The following PYGL variants were observed in gnomAD, a reference collection of about 807,000 sequenced individuals.
PYGL encodes glycogen phosphorylase L, also known as glycogen phosphorylase, liver form.
In PYGL, 90 loss-of-function variants were observed where a neutral mutation model predicts 100.1. The ratio of observed to expected loss-of-function variants is 0.90; its 90% CI spans 0.76 to 1.07. The LOEUF (loss-of-function observed/expected upper bound fraction) is 1.07. Among genes scored for constraint, PYGL ranks in the 50% least tolerant of loss-of-function variants. The pLI is 0.00. For synonymous variants in PYGL, 373 were observed against 393.0 expected, an observed-to-expected ratio of 0.95 and a Z score of 0.60; for missense variants, 1,016 against 1,057.6, an observed-to-expected ratio of 0.96 and a Z score of 0.55.
Position 50,909,847 on chromosome 14 carries a change from TA to T in PYGL, c.2177+47del, listed in dbSNP as rs1566499850. 2.5e-6 allele frequency: 4 copies of T among 1,600,794 alleles called. No individual in the cohort carries two copies. In the South Asian group the frequency reaches 3.3e-5, roughly 13 times the overall value. On this transcript the variant is annotated intron_variant, in intron 17 of 19. Coordinates refer to ENST00000216392, the MANE Select transcript of PYGL (RefSeq NM_002863.5). Reference sequence around the variant, plus strand: ...AAGCCCTCTGAGGTCACATACCTTCTAGGGGGGAGGGGCAGTCCTGCCTAGC... The same window carrying T: ...AAGCCCTCTGAGGTCACATACCTTCTGGGGGGAGGGGCAGTCCTGCCTAGC...
At position 50,920,996 on chromosome 14, in the gene PYGL, G is replaced by C. The variant is rs998958852; in HGVS notation, c.732C>G (p.Leu244=). The C allele has an allele frequency of 1.1e-5, 17 of 1,614,112 alleles. No homozygotes were observed. The highest frequency in any genetic ancestry group is 1.4e-5 in the Non-Finnish European group (16 of 1,180,040). ...AGTCATTTGGTGCCCGAGCAGACCA[G>C]AGGCGCATGGTGTTGACAGTGTTAT... ...YMNNTVNTMR[L]WSARAPNDFN... Residue 244 remains leucine, a synonymous_variant, in exon 6 of 20, where the codon CTC becomes CTG. Transcript: ENST00000216392.
chr14:50,942,037 T>C (rs2050706264), intron 1 of PYGL, among the ~76,000 whole-genome samples: 1 of 152,110 alleles, frequency 6.6e-6, no homozygotes. Flanking sequence ...AGACTAGGGA[T>C]CCATATTTGG....
At chr14:50,928,051 G>A (rs187000614) in intron 4 of PYGL, among the ~76,000 whole-genome samples, 3 of 152,276 alleles carry the variant, frequency 2.0e-5, no homozygotes, top group Admixed American at 1.3e-4. Context: ...GAGGCTGCAC[G>A]GGGCTGAAGA....
intron 4 of PYGL, among the ~76,000 whole-genome samples, chr14:50,925,013 T>C (rs974330359): frequency 2.6e-5 from 4 of 152,232 alleles, no homozygotes; most frequent in Non-Finnish European, 5.9e-5. Context: ...ACGACAGGGA[T>C]ACATTCTGAA....
intron 12 of PYGL, 34 bp from the exon 13 acceptor site, chr14:50,913,164 G>T: frequency 6.3e-7 from 1 of 1,596,192 alleles, no homozygotes; most frequent in Non-Finnish European, 8.6e-7. Flanking sequence ...ACTTCAATTT[G>T]GGGATGGTAA....
In PYGL at chr14:50,932,941, T is replaced by A. The variant is rs557017991; in HGVS notation, c.425-1165A>T. Among the ~76,000 whole-genome samples the A allele has an allele frequency of 4.6e-5, 7 of 152,346 alleles. No homozygotes were observed. In the South Asian group the frequency reaches 1.4e-3, roughly 32 times the overall value. On this transcript the variant is annotated intron_variant, in intron 3 of 19. Coordinates refer to ENST00000216392, the MANE Select transcript of PYGL (RefSeq NM_002863.5). The stretch of plus-strand genomic sequence containing the variant: ...CCTAGGCTTTCAAGTTTTTCTTACA[T>A]CGCCAATCCCTGTGCTCACATATGG...
At chr14:50,916,037 C>A in intron 9 of PYGL, 66 bp from the exon 10 acceptor site, 1 of 1,599,256 alleles carries the variant, frequency 6.3e-7, no homozygotes. Flanking sequence ...GGGCCAAACC[C>A]TTCTTCAACC....
rs78967521 is a variant in PYGL at position 50,928,776 on chromosome 14, G to A, written c.528+2897C>T. On this transcript the variant is annotated intron_variant, in intron 4 of 19. Transcript: ENST00000216392. Reference sequence around the variant, plus strand: ...ATCAGCCTTCTCCAAATCTGCCTTTGTAAGAACAGTGTTACGTGTTGAGTG... The same window carrying A: ...ATCAGCCTTCTCCAAATCTGCCTTTATAAGAACAGTGTTACGTGTTGAGTG... 7.6e-5 allele frequency among the ~76,000 whole-genome samples: 11 copies of A among 145,572 alleles called. No homozygotes were observed. In the East Asian group the frequency reaches 2.6e-3, roughly 34 times the overall value.
rs1228985409 is a variant in PYGL at position 50,931,735 on chromosome 14, A to G, written c.466T>C (p.Tyr156His). 6.2e-7 allele frequency: 1 copy of G among 1,614,020 alleles called. No homozygotes were observed. The highest frequency in any genetic ancestry group is 8.5e-7 in the Non-Finnish European group (1 of 1,179,938). ...DSMATLGLAA[Y>H]GYGIRYEYGI... ...TATTCATACCGAATGCCGTATCCAT[A>G]GGCTGCAAGTCCCAGGGTTGCCATG... Residue 156 changes from tyrosine (Y) to histidine (H), a missense_variant, in exon 4 of 20, where the codon TAT (tyrosine) becomes CAT (histidine). Physicochemically the swap from Tyr to His is moderately conservative, Grantham distance 83. Coordinates refer to ENST00000216392, the MANE Select transcript of PYGL (RefSeq NM_002863.5).
chr14:50,937,462 T>C (rs962490167), intron 2 of PYGL, among the ~76,000 whole-genome samples: 6 of 152,210 alleles, frequency 3.9e-5, no homozygotes, highest in Non-Finnish European at 7.3e-5. Flanking sequence ...GACACTAATT[T>C]CTGAAATGTA....
intron 1 of PYGL, among the ~76,000 whole-genome samples, chr14:50,939,788 C>CA (rs542390389): frequency 6.6e-6 from 1 of 151,656 alleles, no homozygotes; most frequent in Admixed American, 6.6e-5. Flanking sequence ...TTTGGCCAAT[C>CA]AAAAAAAATT....
intron 7 of PYGL, among the ~76,000 whole-genome samples, chr14:50,919,755 C>T (rs1328006087): frequency 2.0e-5 from 3 of 152,152 alleles, no homozygotes; most frequent in Non-Finnish European, 4.4e-5. Context: ...AATCTCGGCT[C>T]ACTGCAATCT....
chr14:50,932,224 C>A (rs1213295014), intron 3 of PYGL, among the ~76,000 whole-genome samples: 2 of 152,180 alleles, frequency 1.3e-5, no homozygotes, highest in African/African-American at 2.4e-5. Context: ...TCCCTTCCAG[C>A]AACTGACTGA....
At position 50,916,715 on chromosome 14, in the gene PYGL, T is replaced by C; in HGVS notation, c.1019A>G (p.Asp340Gly). ...AGGGATCGCGAGTGCAGGGTGAGTG[T>C]CATTCAGCTGGATGGCCACCTGGGT... Reference protein sequence around the residue: ...FPDQVAIQLNDTHPALAIPEL... With the variant: ...FPDQVAIQLNGTHPALAIPEL... Residue 340 changes from aspartate to glycine, a missense_variant, in exon 9 of 20, where the codon GAC becomes GGC. Physicochemically the swap from Asp to Gly is moderately conservative, Grantham distance 94. Coordinates refer to ENST00000216392, the MANE Select transcript of PYGL (RefSeq NM_002863.5). 6.2e-7 allele frequency: 1 copy of C among 1,614,062 alleles called. No homozygotes were observed. Among genetic ancestry groups the C allele is most frequent in the Non-Finnish European group, 8.5e-7 (1 of 1,179,946 alleles).
At chr14:50,933,664 T>C (rs1470712059) in intron 3 of PYGL, among the ~76,000 whole-genome samples, 1 of 152,144 alleles carries the variant, frequency 6.6e-6, no homozygotes, top group Admixed American at 6.5e-5. Flanking sequence ...AGTTCTGCAC[T>C]CCTCCCTACA....
chr14:50,924,121 G>A (rs2050526345), intron 4 of PYGL, 21 bp from the exon 5 acceptor site: 1 of 1,611,332 alleles, frequency 6.2e-7, no homozygotes, highest in African/African-American at 1.3e-5. Context: ...ATACAGTATT[G>A]CTTAGAATTT....
At chr14:50,913,203 T>C in intron 12 of PYGL, 73 bp from the exon 13 acceptor site, 1 of 1,243,720 alleles carries the variant, frequency 8.0e-7, no homozygotes. Flanking sequence ...TTTCTGTCAG[T>C]ATTTCTCTCT....
In PYGL at chr14:50,905,271, C is replaced by A; in HGVS notation, c.*121G>T. 1 of 1,054,960 alleles carries A rather than the reference C, an allele frequency of 9.5e-7. No homozygotes were observed. The highest frequency in any genetic ancestry group is 1.4e-6 in the Non-Finnish European group (1 of 701,644). 65.3% of individuals were successfully genotyped at this position (1,054,960 alleles called of 1,614,324 possible). On this transcript the variant is annotated 3_prime_UTR_variant, in exon 20 of 20. Coordinates refer to ENST00000216392, the MANE Select transcript of PYGL (RefSeq NM_002863.5). Reference sequence around the variant, plus strand: ...AAGCTCTATTACATATAATTTCCCTCCCCATTCCCAGAGATACTCAACTAT... The same window carrying A: ...AAGCTCTATTACATATAATTTCCCTACCCATTCCCAGAGATACTCAACTAT...
chr14:50,919,263 C>A (rs1465099060), intron 7 of PYGL, among the ~76,000 whole-genome samples: 1 of 152,194 alleles, frequency 6.6e-6, no homozygotes, highest in Non-Finnish European at 1.5e-5. Flanking sequence ...TGGAAGAACT[C>A]TTACTTTGAC....
Sources: gnomAD v4.1 joint callset for allele counts (sites outside exome capture counted in the v4.1 genomes callset) on GRCh38, gnomAD v4.1.1 for gene constraint, MANE v1.5 for transcripts, NCBI Gene and HGNC (gene_info 2026-07-23, HGNC 2026-07-21) for gene names.